Variants in TIMP3 observed in about 807,000 individuals in gnomAD.
The protein encoded by TIMP3 is metalloproteinase inhibitor 3.
A neutral mutation model predicts 30.0 loss-of-function variants in TIMP3; 11 were observed. That is an observed-to-expected ratio of 0.37 (90% CI 0.23 to 0.61). The LOEUF (loss-of-function observed/expected upper bound fraction) is 0.61. TIMP3 is among the 20% of genes least tolerant of loss of function. The pLI is 0.70. For missense variants in TIMP3, 181 were observed against 276.8 expected, an observed-to-expected ratio of 0.65 and a Z score of 2.45; for synonymous variants, 112 against 111.3, an observed-to-expected ratio of 1.01 and a Z score of -0.04.
chr22:32,859,087 A>T, intron 4 of TIMP3, 93 bp from the exon 5 acceptor site: 2 of 1,258,086 alleles, frequency 1.6e-6, no homozygotes, highest in African/African-American at 1.5e-5. Context: ...CTTCCCATGC[A>T]GTGGCCCCAG....
chr22:32,849,616 T>C (rs373214075), intron 2 of TIMP3, 82 bp downstream of exon 2: 2 of 1,259,812 alleles, frequency 1.6e-6, no homozygotes, highest in Admixed American at 3.9e-5. Flanking sequence ...GCAAAGTGGG[T>C]TGGAACTGGG....
chr22:32,859,059 G>T, intron 4 of TIMP3, 121 bp from the exon 5 acceptor site: 1 of 869,446 alleles, frequency 1.2e-6, no homozygotes. Flanking sequence ...TGATCACTGA[G>T]GGACTGATGT....
intron 1 of TIMP3, among the ~76,000 whole-genome samples, chr22:32,828,874 A>C (rs2047489858): frequency 6.6e-6 from 1 of 152,176 alleles, no homozygotes; most frequent in South Asian, 2.1e-4. Context: ...TGGGGGAGAC[A>C]GTCACATAAG....
intron 1 of TIMP3, among the ~76,000 whole-genome samples, chr22:32,816,762 C>G (rs1311819041): frequency 3.3e-5 from 5 of 152,262 alleles, no homozygotes; most frequent in African/African-American, 4.8e-5. Flanking sequence ...GCCTCCTTGT[C>G]TTGCTGAGAA....
Position 32,859,623 on chromosome 22 carries a change from C to A in TIMP3, c.*246C>A. 1.8e-6 allele frequency: 1 copy of A among 549,790 alleles called. No homozygotes were observed. The highest frequency in any genetic ancestry group is 3.2e-6 in the Non-Finnish European group (1 of 313,062). 34.1% of individuals were successfully genotyped at this position (549,790 alleles called of 1,614,324 possible). A position where few individuals can be genotyped will look rare whatever the true frequency, so the allele number is the denominator to read the frequency against. ...CCACCTGGGAATTTCTGGTGCCATG[C>A]CAGAAAGAATGAGGAACCTGTATTC... is the stretch of plus-strand genomic sequence containing the variant. On this transcript the variant is annotated 3_prime_UTR_variant, in exon 5 of 5. Coordinates refer to ENST00000266085, the MANE Select transcript of TIMP3 (RefSeq NM_000362.5).
intron 1 of TIMP3, among the ~76,000 whole-genome samples, chr22:32,847,421 G>A (rs570157278): frequency 6.6e-6 from 1 of 152,268 alleles, no homozygotes; most frequent in Non-Finnish European, 1.5e-5. Flanking sequence ...AGCTGCCTCC[G>A]CTAAATTGCT....
chr22:32,840,557 G>A (rs4504), intron 1 of TIMP3, among the ~76,000 whole-genome samples: 27,427 of 151,864 alleles, frequency 0.18, 2,969 homozygotes, highest in East Asian at 0.33. Flanking sequence ...TCATCTTCCT[G>A]GAAAGGCGGG....
intron 4 of TIMP3, among the ~76,000 whole-genome samples, chr22:32,858,576 GTC>G (rs898503810): frequency 5.3e-5 from 8 of 152,160 alleles, no homozygotes; most frequent in Non-Finnish European, 1.2e-4. Flanking sequence ...GCTACAGAAG[GTC>G]TCTCTTTACC....
In TIMP3 at chr22:32,854,287, G is replaced by A. The variant is rs528267485; in HGVS notation, c.205-2962G>A. 3.3e-5 allele frequency among the ~76,000 whole-genome samples: 5 copies of A among 152,304 alleles called. No individual in the cohort carries two copies. In the South Asian group the frequency reaches 6.2e-4, roughly 19 times the overall value. ...GTCAGAATTTCGACTCTAGGCAAGT[G>A]CTAGGAGCTAAAATGCAGGTTCCTT... On this transcript the variant is annotated intron_variant, in intron 2 of 4. Coordinates refer to ENST00000266085, the MANE Select transcript of TIMP3 (RefSeq NM_000362.5).
chr22:32,835,290 G>A (rs554089477), intron 1 of TIMP3, among the ~76,000 whole-genome samples: 1 of 152,334 alleles, frequency 6.6e-6, no homozygotes, highest in African/African-American at 2.4e-5. Flanking sequence ...ACTGTGAGAT[G>A]TTGCGGTTAG....
intron 1 of TIMP3, among the ~76,000 whole-genome samples, chr22:32,809,981 T>C (rs1354104129): frequency 6.6e-6 from 1 of 152,212 alleles, no homozygotes; most frequent in East Asian, 1.9e-4. Context: ...ATGCCTGGGA[T>C]AGACAGCAGG....
rs1386054934 is a variant in TIMP3 at position 32,837,550 on chromosome 22, A to C, written c.122-11902A>C. Among the ~76,000 whole-genome samples, 1 of 152,148 alleles carries C rather than the reference A, an allele frequency of 6.6e-6. No individual in the cohort carries two copies. The highest frequency in any genetic ancestry group is 1.5e-5 in the Non-Finnish European group (1 of 68,026). ...AGGGTACGGCGGGAGACAGAGATGC[A>C]TGAAATACTAACGTTGAAGATTAGA... On this transcript the variant is annotated intron_variant, in intron 1 of 4. Coordinates refer to ENST00000266085, the MANE Select transcript of TIMP3 (RefSeq NM_000362.5). The surrounding 1 kb of genome is among the most constrained non-coding windows in gnomAD (Gnocchi z 4.1).
chr22:32,858,174 T>C (rs778087527), intron 4 of TIMP3, 36 bp downstream of exon 4: 4 of 1,609,734 alleles, frequency 2.5e-6, no homozygotes, highest in Non-Finnish European at 3.4e-6. Flanking sequence ...GGAGGGGAGG[T>C]GCTGACTTGC....
chr22:32,841,350 G>A (rs1280554049), intron 1 of TIMP3, among the ~76,000 whole-genome samples: 3 of 152,176 alleles, frequency 2.0e-5, no homozygotes, highest in African/African-American at 2.4e-5. Flanking sequence ...ATTGCGAGGA[G>A]GGGGAGGAAT....
chr22:32,839,562 G>A (rs2047834741), intron 1 of TIMP3, among the ~76,000 whole-genome samples: 1 of 152,114 alleles, frequency 6.6e-6, no homozygotes, highest in Non-Finnish European at 1.5e-5. Context: ...CCAGCCCTAG[G>A]ACTTTTGCCC....
chr22:32,809,024 T>C (rs1036734213), intron 1 of TIMP3, among the ~76,000 whole-genome samples: 16 of 152,252 alleles, frequency 1.1e-4, no homozygotes, highest in African/African-American at 3.9e-4. Flanking sequence ...AAAGTGGAGA[T>C]TTCTAAATGC....
intron 1 of TIMP3, among the ~76,000 whole-genome samples, chr22:32,806,979 A>G (rs2046758668): frequency 6.6e-6 from 1 of 151,838 alleles, no homozygotes; most frequent in African/African-American, 2.4e-5. Flanking sequence ...GGAATACCAC[A>G]TAATACCACA....
At chr22:32,833,004 A>G (rs1174385657) in intron 1 of TIMP3, among the ~76,000 whole-genome samples, 1 of 152,142 alleles carries the variant, frequency 6.6e-6, no homozygotes, top group Non-Finnish European at 1.5e-5. Flanking sequence ...AAGTCCTGGG[A>G]TTACAGGCGT....
intron 1 of TIMP3, among the ~76,000 whole-genome samples, chr22:32,812,317 T>C (rs548476589): frequency 6.6e-6 from 1 of 152,322 alleles, no homozygotes; most frequent in Non-Finnish European, 1.5e-5. Flanking sequence ...TTTCTGTGGT[T>C]GCAAAAGTGG....
Sources: allele counts gnomAD v4.1 joint callset (sites outside exome capture counted in the v4.1 genomes callset), GRCh38; gene constraint gnomAD v4.1.1; non-coding constraint Gnocchi (gnomAD v3.1); transcripts MANE v1.5; gene names NCBI Gene and HGNC (gene_info 2026-07-23, HGNC 2026-07-21).